Variants in KALRN observed in about 807,000 individuals in gnomAD.
The protein encoded by KALRN is kalirin.
A neutral mutation model predicts 353.7 loss-of-function variants in KALRN; 70 were observed. The ratio of observed to expected loss-of-function variants is 0.20; its 90% CI spans 0.16 to 0.24. KALRN has a LOEUF of 0.24. KALRN is among the 10% of genes least tolerant of loss of function. The probability of loss-of-function intolerance (pLI) is 1.00; values close to 1 mark genes in which losing one functional copy is unlikely to be tolerated. For synonymous variants in KALRN, 1,391 were observed against 1,434.8 expected, an observed-to-expected ratio of 0.97 and a Z score of 0.69; for missense variants, 2,791 against 3,756.7, an observed-to-expected ratio of 0.74 and a Z score of 6.72.
chr3:124,410,326 G>A (rs2092037382), intron 13 of KALRN: 1 of 518,114 alleles, frequency 1.9e-6, no homozygotes, highest in South Asian at 1.5e-5. Context: ...AAAATCAAAA[G>A]AAAAGGCAGG....
At chr3:124,207,859 A>G (rs1184080036) in intron 1 of KALRN, among the ~76,000 whole-genome samples, 1 of 152,228 alleles carries the variant, frequency 6.6e-6, no homozygotes, top group Non-Finnish European at 1.5e-5. Context: ...CAAGAACAAA[A>G]CAACAGTAAG....
In KALRN at chr3:124,521,474, T is replaced by A. The variant is rs77714562; in HGVS notation, c.4935+25061T>A. ...AGCAAGTTAGGGCCAGAATAAAGAC[T>A]AGAACTCAGAACTCCTGATTTTCAT... On this transcript the variant is annotated intron_variant, in intron 33 of 59. Coordinates refer to ENST00000682506, the MANE Select transcript of KALRN (RefSeq NM_001388419.1). Among the ~76,000 whole-genome samples, 67 of 152,028 alleles carry A rather than the reference T, an allele frequency of 4.4e-4. 1 individual carries two copies. The highest frequency in any genetic ancestry group is 2.9e-3 in the Admixed American group (44 of 15,258).
intron 37 of KALRN, among the ~76,000 whole-genome samples, chr3:124,641,199 C>T (rs1299865336): frequency 1.3e-5 from 2 of 152,120 alleles, no homozygotes; most frequent in African/African-American, 4.8e-5. Context: ...ATCTGCAGTG[C>T]AGATAAAACT....
rs1560944122 is a variant in KALRN at position 124,438,942 on chromosome 3, T to C, written c.3103T>C (p.Cys1035Arg). Reference sequence around the variant, plus strand: ...AGAATACCGGAGAGATGAGGACTGGTGTGGTGGACGAGATAAGCTGGGGCC... The same window carrying C: ...AGAATACCGGAGAGATGAGGACTGGCGTGGTGGACGAGATAAGCTGGGGCC... ...EQEYRRDEDW[C>R]GGRDKLGPAA... The change falls in exon 18 of 60, where the codon TGT (cysteine) becomes CGT (arginine). Residue 1035 changes from cysteine to arginine, a missense_variant. This residue lies in a region of KALRN where 452 missense variants were observed against 575.8 expected (regional missense o/e 0.78). Coordinates refer to ENST00000682506, the MANE Select transcript of KALRN (RefSeq NM_001388419.1). 2 of 1,613,988 alleles carry C rather than the reference T, an allele frequency of 1.2e-6. No homozygotes were observed.
At chr3:124,238,158 G>A (rs2080015231) in intron 3 of KALRN, among the ~76,000 whole-genome samples, 1 of 152,154 alleles carries the variant, frequency 6.6e-6, no homozygotes, top group African/African-American at 2.4e-5. Context: ...CAAGGAAGCA[G>A]CACATTAAGG....
intron 33 of KALRN, among the ~76,000 whole-genome samples, chr3:124,526,295 C>T (rs2067583950): frequency 2.0e-5 from 3 of 152,056 alleles, no homozygotes; most frequent in Admixed American, 2.0e-4. Flanking sequence ...CATATGGAGC[C>T]AGGTGGGTGG....
rs1446807956 is a variant in KALRN, at chr3:124,289,753, A to G, written c.970-9038A>G. Among the ~76,000 whole-genome samples the G allele has an allele frequency of 2.0e-5, 3 of 152,334 alleles. No individual in the cohort carries two copies. The East Asian group carries it at 5.8e-4, about 29-fold the overall frequency. On this transcript the variant is annotated intron_variant, in intron 5 of 59. Transcript: ENST00000682506. Reference sequence around the variant, plus strand: ...CTTAGCCAATTTATTTGGCTTCTTAATACTGAGTTTTCACCATGTTTAAAA... The same window carrying G: ...CTTAGCCAATTTATTTGGCTTCTTAGTACTGAGTTTTCACCATGTTTAAAA...
At chr3:124,593,111 T>C (rs2075966359) in intron 34 of KALRN, among the ~76,000 whole-genome samples, 1 of 152,210 alleles carries the variant, frequency 6.6e-6, no homozygotes, top group Non-Finnish European at 1.5e-5. Flanking sequence ...TGTCAGGATA[T>C]TCTCAGTTTC....
chr3:124,569,809 C>T (rs919540601), intron 34 of KALRN, among the ~76,000 whole-genome samples: 2 of 152,184 alleles, frequency 1.3e-5, no homozygotes, highest in Non-Finnish European at 2.9e-5. Flanking sequence ...CACCTCTGGC[C>T]CCAAATGCCC....
At chr3:124,123,149 G>A (rs1171778710) in intron 1 of KALRN, among the ~76,000 whole-genome samples, 3 of 148,714 alleles carry the variant, frequency 2.0e-5, no homozygotes, top group East Asian at 2.0e-4. Flanking sequence ...GCAGTGAGCC[G>A]AGATTGCGCC....
chr3:124,113,217 T>G (rs1475074516), intron 1 of KALRN, among the ~76,000 whole-genome samples: 1 of 152,212 alleles, frequency 6.6e-6, no homozygotes, highest in Non-Finnish European at 1.5e-5. Context: ...AGGCCTTGGT[T>G]TCCTCATCTG....
chr3:124,043,388 C>A (rs1451905502), intron 1 of KALRN, among the ~76,000 whole-genome samples: 1 of 151,854 alleles, frequency 6.6e-6, no homozygotes, highest in Non-Finnish European at 1.5e-5. Flanking sequence ...AGGGAGAAGG[C>A]AGGCATGAGG....
chr3:124,078,229 A>G (rs765936371), intron 1 of KALRN, among the ~76,000 whole-genome samples: 2 of 151,842 alleles, frequency 1.3e-5, no homozygotes, highest in African/African-American at 2.4e-5. Context: ...TGACTTCCTT[A>G]CTCAACTGTA....
At chr3:124,194,729 G>A (rs768668121) in intron 1 of KALRN, among the ~76,000 whole-genome samples, 9 of 152,134 alleles carry the variant, frequency 5.9e-5, no homozygotes, top group Non-Finnish European at 5.9e-5. Context: ...TCAACCCAAG[G>A]GCACTGAGCC....
intron 34 of KALRN, among the ~76,000 whole-genome samples, chr3:124,598,973 C>CCTCA (rs57892811): frequency 0.15 from 23,452 of 152,086 alleles, 1,916 homozygotes; most frequent in Middle Eastern, 0.19. Context: ...CCACGCCTGG[C>CCTCA]CTCACACACA....
intron 34 of KALRN, among the ~76,000 whole-genome samples, chr3:124,616,924 C>T (rs1396100980): frequency 6.6e-6 from 1 of 151,202 alleles, no homozygotes; most frequent in Admixed American, 6.6e-5. Context: ...GAGATTGCAC[C>T]ACTGCACTCC....
At chr3:124,507,863 A>G (rs1158823469) in intron 33 of KALRN, among the ~76,000 whole-genome samples, 1 of 152,216 alleles carries the variant, frequency 6.6e-6, no homozygotes, top group Non-Finnish European at 1.5e-5. Context: ...TTTTTGAAAG[A>G]TAAATTTTGC....
Position 124,446,877 on chromosome 3 carries a change from C to G in KALRN, c.3544C>G (p.Pro1182Ala). 3.1e-6 allele frequency: 5 copies of G among 1,614,006 alleles called. No homozygotes were observed. Among genetic ancestry groups the G allele is most frequent in the Non-Finnish European group, 4.2e-6 (5 of 1,179,960 alleles). The change falls in exon 21 of 60, where the codon CCT (proline) becomes GCT (alanine). Residue 1182 changes from proline to alanine, a missense_variant. Pro to Ala is a conservative substitution (Grantham distance 27). This residue lies in a region of KALRN where 268 missense variants were observed against 347.0 expected (regional missense o/e 0.77). Transcript: ENST00000682506. Reference sequence around the variant, plus strand: ...GAAAGAATATGGGGAATTCAGGGTGCCTGCCAAGGTAGGAAACATCCCAGA... The same window carrying G: ...GAAAGAATATGGGGAATTCAGGGTGGCTGCCAAGGTAGGAAACATCCCAGA... ...LLKEYGEFRV[P>A]AKQTKEKVKL...
chr3:124,491,477 G>A, intron 31 of KALRN, 53 bp downstream of exon 31: 2 of 1,351,794 alleles, frequency 1.5e-6, no homozygotes, highest in Non-Finnish European at 2.0e-6. Context: ...AATAGAAGTG[G>A]GGGTGGGCAA....
Sources: gnomAD v4.1 joint callset for allele counts (sites outside exome capture counted in the v4.1 genomes callset) on GRCh38, gnomAD v4.1.1 for gene constraint, gnomAD v4.1.1 regional missense constraint, MANE v1.5 for transcripts, NCBI Gene and HGNC (gene_info 2026-07-23, HGNC 2026-07-21) for gene names.